Variants in KCNIP4 observed in about 807,000 individuals in gnomAD.
KCNIP4 encodes Kv channel-interacting protein 4.
In KCNIP4, 12 loss-of-function variants were observed where a neutral mutation model predicts 34.0. The observed-to-expected ratio is 0.35, with a 90% CI of 0.23 to 0.57. The LOEUF (loss-of-function observed/expected upper bound fraction) is 0.57, where lower values mean the gene tolerates loss of function less well. Among genes scored for constraint, KCNIP4 ranks in the 20% least tolerant of loss-of-function variants. The pLI, the probability that KCNIP4 is intolerant of heterozygous loss-of-function variation, is 0.83. For synonymous variants in KCNIP4, 124 were observed against 102.2 expected (o/e 1.21, Z -1.29); for missense variants, 238 against 311.7 (o/e 0.76, Z 1.78).
intron 1 of KCNIP4, among the ~76,000 whole-genome samples, chr4:21,635,995 T>C (rs1248935312): frequency 2.0e-5 from 3 of 151,844 alleles, no homozygotes; most frequent in African/African-American, 4.8e-5. Flanking sequence ...TGTAGGGACA[T>C]GGATGAAATT....
At chr4:21,184,681 T>C (rs1012891428) in intron 1 of KCNIP4, among the ~76,000 whole-genome samples, 13 of 152,306 alleles carry the variant, frequency 8.5e-5, no homozygotes, top group Admixed American at 7.2e-4. Flanking sequence ...AGCTGTCTTA[T>C]GCATCAATGC....
chr4:20,938,494 C>T (rs987347251), intron 1 of KCNIP4, among the ~76,000 whole-genome samples: 10 of 152,148 alleles, frequency 6.6e-5, no homozygotes, highest in Non-Finnish European at 1.5e-4. Flanking sequence ...TCAAAATGAT[C>T]GGGCTTTAAG....
At chr4:20,853,768 C>T (rs1721285546) in intron 2 of KCNIP4, among the ~76,000 whole-genome samples, 1 of 152,082 alleles carries the variant, frequency 6.6e-6, no homozygotes, top group African/African-American at 2.4e-5. Flanking sequence ...GGATTAATAT[C>T]CAGAAAGTAC....
chr4:21,449,661 T>C (rs939234743), intron 1 of KCNIP4, among the ~76,000 whole-genome samples: 1 of 151,494 alleles, frequency 6.6e-6, no homozygotes, highest in Non-Finnish European at 1.5e-5. Flanking sequence ...TACTACTTTT[T>C]ACTCTTTTTA....
At chr4:21,020,248 C>G (rs1411860626) in intron 1 of KCNIP4, among the ~76,000 whole-genome samples, 1 of 152,124 alleles carries the variant, frequency 6.6e-6, no homozygotes, top group Non-Finnish European at 1.5e-5. Context: ...ACCATATTAT[C>G]TAAATTATCT....
chr4:21,168,349 T>C (rs1753785813), intron 1 of KCNIP4, among the ~76,000 whole-genome samples: 1 of 152,284 alleles, frequency 6.6e-6, no homozygotes, highest in Middle Eastern at 3.4e-3. Context: ...TCCATGAAGA[T>C]TGTTTAGCTC....
chr4:21,859,262 G>A (rs1724926221), intron 1 of KCNIP4, among the ~76,000 whole-genome samples: 1 of 152,140 alleles, frequency 6.6e-6, no homozygotes, highest in African/African-American at 2.4e-5. Flanking sequence ...GGTCGAGAGA[G>A]ACAGACACTT....
intron 1 of KCNIP4, among the ~76,000 whole-genome samples, chr4:21,376,139 T>C (rs866569842): frequency 4.0e-5 from 6 of 151,602 alleles, no homozygotes; most frequent in South Asian, 2.1e-4. Flanking sequence ...ATTATTATTA[T>C]ACAACTTGTT....
intron 1 of KCNIP4, among the ~76,000 whole-genome samples, chr4:21,840,193 A>G (rs559596098): frequency 6.6e-6 from 1 of 151,662 alleles, no homozygotes; most frequent in East Asian, 1.9e-4. Context: ...ACAACTTGAA[A>G]TAAGATACTA....
intron 1 of KCNIP4, among the ~76,000 whole-genome samples, chr4:21,771,733 A>G (rs1460348320): frequency 6.6e-6 from 1 of 151,960 alleles, no homozygotes; most frequent in Admixed American, 6.6e-5. Context: ...CGGCTTGCCT[A>G]TTGTTGGTGT....
intron 1 of KCNIP4, among the ~76,000 whole-genome samples, chr4:21,901,890 C>G (rs1024374155): frequency 6.6e-6 from 1 of 152,070 alleles, no homozygotes; most frequent in African/African-American, 2.4e-5. Flanking sequence ...ATTCCCTCCC[C>G]GATCCCATTG....
chr4:21,711,147 A>G (rs1029244283), intron 1 of KCNIP4, among the ~76,000 whole-genome samples: 2 of 152,078 alleles, frequency 1.3e-5, no homozygotes, highest in Admixed American at 6.6e-5. Flanking sequence ...ATTGCAGCCT[A>G]TTTTCTTGAA....
At chr4:21,926,959 G>C (rs188413475) in intron 1 of KCNIP4, among the ~76,000 whole-genome samples, 271 of 152,242 alleles carry the variant, frequency 1.8e-3, no homozygotes, top group African/African-American at 6.4e-3. Flanking sequence ...CTTACAGTTT[G>C]GTAGGTCAGA....
intron 1 of KCNIP4, among the ~76,000 whole-genome samples, chr4:21,076,810 C>A (rs1745528357): frequency 6.6e-6 from 1 of 152,036 alleles, no homozygotes; most frequent in Admixed American, 6.6e-5. Flanking sequence ...CAGTTATCTA[C>A]CGAGTAGATT....
Position 21,145,880 on chromosome 4 carries a change from G to C in KCNIP4, c.62-263171C>G, listed in dbSNP as rs560413373. On this transcript the variant is annotated intron_variant, in intron 1 of 8. Transcript: ENST00000382152. ...TTTCACTAGCCTCTTAGCTCAAAGGGACAATAGATAAACATCAGGTCTACA... is the reference window on the plus strand; with the variant it reads ...TTTCACTAGCCTCTTAGCTCAAAGGCACAATAGATAAACATCAGGTCTACA... Among the ~76,000 whole-genome samples the C allele has an allele frequency of 9.9e-5, 15 of 152,224 alleles. No homozygotes were observed. In the South Asian group the frequency reaches 3.1e-3, roughly 32 times the overall value.
In KCNIP4 at chr4:20,732,180, A is replaced by T. The variant is rs865952830; in HGVS notation, c.643-112T>A. ...GAAAACCTAGCTGCTTATTTATTTC[A>T]CGTGGAGGAACTGTTTCAGAGCAGG... On this transcript the variant is annotated intron_variant, in intron 7 of 8. Coordinates refer to ENST00000382152, the MANE Select transcript of KCNIP4 (RefSeq NM_025221.6). 1.3e-5 allele frequency: 9 copies of T among 713,588 alleles called. No individual in the cohort carries two copies. The Middle Eastern group carries it at 1.9e-3, about 154-fold the overall frequency. The allele number at this position is 713,588 out of a possible 1,614,324, so 44.2% of individuals were successfully genotyped here. A position where few individuals can be genotyped will look rare whatever the true frequency, so the allele number is the denominator to read the frequency against.
At chr4:21,860,331 A>G (rs535027438) in intron 1 of KCNIP4, among the ~76,000 whole-genome samples, 123 of 152,096 alleles carry the variant, frequency 8.1e-4, no homozygotes, top group African/African-American at 2.8e-3. Context: ...ACAGGGTTTC[A>G]CTATGTTAGC....
intron 1 of KCNIP4, among the ~76,000 whole-genome samples, chr4:21,216,969 G>A (rs563141003): frequency 3.3e-5 from 5 of 152,258 alleles, no homozygotes; most frequent in South Asian, 4.2e-4. Context: ...AATAATTACT[G>A]TACTCTGAAT....
At chr4:21,673,074 A>G (rs1170292306) in intron 1 of KCNIP4, among the ~76,000 whole-genome samples, 1 of 152,228 alleles carries the variant, frequency 6.6e-6, no homozygotes, top group Non-Finnish European at 1.5e-5. Flanking sequence ...TAGAAATGGC[A>G]TAGCATCATG....
Sources: allele counts gnomAD v4.1 joint callset (sites outside exome capture counted in the v4.1 genomes callset), GRCh38; gene constraint gnomAD v4.1.1; transcripts MANE v1.5; gene names NCBI Gene and HGNC (gene_info 2026-07-23, HGNC 2026-07-21).